Variants in ZFYVE16 observed in about 807,000 individuals in gnomAD.
ZFYVE16 encodes zinc finger FYVE domain-containing protein 16.
A neutral mutation model predicts 138.1 loss-of-function variants in ZFYVE16; 89 were observed. That is an observed-to-expected ratio of 0.64 (90% CI 0.54 to 0.77). The LOEUF (loss-of-function observed/expected upper bound fraction) is 0.77. Among genes scored for constraint, ZFYVE16 ranks in the 30% least tolerant of loss-of-function variants. The probability of loss-of-function intolerance (pLI) is 0.00; values close to 1 mark genes in which losing one functional copy is unlikely to be tolerated. For missense variants in ZFYVE16, 1,793 were observed against 1,786.7 expected (o/e 1.00, Z -0.06); for synonymous variants, 596 against 618.3 (o/e 0.96, Z 0.53).
chr5:80,451,777 A>G, intron 11 of ZFYVE16, 68 bp downstream of exon 11: 4 of 1,401,740 alleles, frequency 2.9e-6, no homozygotes, highest in Middle Eastern at 2.0e-4. Context: ...CTTTCAGGGA[A>G]TCATTAAAAT....
chr5:80,427,971 CAA>C (rs386404254), intron 2 of ZFYVE16, among the ~76,000 whole-genome samples: 15 of 48,108 alleles, frequency 3.1e-4, no homozygotes, highest in African/African-American at 1.6e-3. Context: ...GACTCCATCT[CAA>C]AAAAAAAAAA....
intron 11 of ZFYVE16, 70 bp downstream of exon 11, chr5:80,451,779 C>A: frequency 7.2e-7 from 1 of 1,394,048 alleles, no homozygotes; most frequent in South Asian, 1.3e-5. Context: ...TTCAGGGAAT[C>A]ATTAAAATCA....
At chr5:80,416,496 TTGCC>T (rs962692690) in intron 1 of ZFYVE16, among the ~76,000 whole-genome samples, 4 of 151,386 alleles carry the variant, frequency 2.6e-5, no homozygotes, top group African/African-American at 9.7e-5. Context: ...CCTCAGGTGA[TTGCC>T]TGCCTCGGCC....
chr5:80,461,230 T>G (rs112816662), intron 15 of ZFYVE16, among the ~76,000 whole-genome samples: 1 of 152,150 alleles, frequency 6.6e-6, no homozygotes, highest in Non-Finnish European at 1.5e-5. Flanking sequence ...CCAAAAAAAG[T>G]CTGAAATCTG....
intron 14 of ZFYVE16, among the ~76,000 whole-genome samples, chr5:80,458,275 A>G (rs1181836698): frequency 1.3e-5 from 2 of 152,026 alleles, no homozygotes; most frequent in Non-Finnish European, 2.9e-5. Context: ...GGTAAAATTA[A>G]AAAGTTATTA....
chr5:80,459,348 A>G, intron 14 of ZFYVE16, 66 bp from the exon 15 acceptor site: 5 of 1,418,632 alleles, frequency 3.5e-6, no homozygotes, highest in Non-Finnish European at 4.9e-6. Context: ...CACATTCTGC[A>G]TTTAACAAAT....
In ZFYVE16 at chr5:80,475,346, A is replaced by G. The variant is rs1026934118; in HGVS notation, c.4461+516A>G. ...ACCTCGCTGAATATTTGCGGAGAGC[A>G]GCATTCACAATGTATTCTGTGTAAC... On this transcript the variant is annotated intron_variant, in intron 18 of 18. Coordinates refer to ENST00000505560, the MANE Select transcript of ZFYVE16 (RefSeq NM_001284236.3). Among the ~76,000 whole-genome samples, 5 of 152,270 alleles carry G rather than the reference A, an allele frequency of 3.3e-5. No individual in the cohort carries two copies. The South Asian group carries it at 1.0e-3, about 31-fold the overall frequency.
At chr5:80,457,415 C>G (rs933770591) in intron 14 of ZFYVE16, among the ~76,000 whole-genome samples, 2 of 152,160 alleles carry the variant, frequency 1.3e-5, no homozygotes, top group African/African-American at 4.8e-5. Context: ...TCACCCTCTG[C>G]TCCAACTCCT....
At chr5:80,448,527 CTT>C (rs1024916020) in intron 8 of ZFYVE16, 123 bp downstream of exon 8, 4 of 924,850 alleles carry the variant, frequency 4.3e-6, no homozygotes, top group African/African-American at 3.4e-5. Context: ...AGGCTGGTAA[CTT>C]TTGTTTACAG....
At chr5:80,459,321 G>C in intron 14 of ZFYVE16, 93 bp from the exon 15 acceptor site, 1 of 938,192 alleles carries the variant, frequency 1.1e-6, no homozygotes, top group Non-Finnish European at 1.6e-6. Context: ...CATTTATTGA[G>C]TACTTATATG....
At position 80,455,725 on chromosome 5, in the gene ZFYVE16, G is replaced by A. The variant is rs1460425151; in HGVS notation, c.3641G>A (p.Arg1214Gln). ...YPAPLTSIRG[R>Q]KPLFGEIGHT... ...GCTCCTCTAACAAGCATCAGAGGCC[G>A]AAAACCTCTTTTTGGAGAAATAGGA... is the stretch of plus-strand genomic sequence containing the variant. The change falls in exon 12 of 19, where the codon CGA becomes CAA. Residue 1214 changes from arginine (R) to glutamine (Q), a missense_variant. Around this residue, in one of 2 missense-constraint regions of ZFYVE16, gnomAD observed 498 missense variants for 582.4 expected, o/e 0.86. Transcript: ENST00000505560. 2 of 1,595,656 alleles carry A rather than the reference G, an allele frequency of 1.3e-6. No individual in the cohort carries two copies. Among genetic ancestry groups the A allele is most frequent in the Non-Finnish European group, 1.7e-6 (2 of 1,175,192 alleles).
intron 2 of ZFYVE16, among the ~76,000 whole-genome samples, chr5:80,428,415 C>T (rs1748465563): frequency 6.6e-6 from 1 of 152,178 alleles, no homozygotes; most frequent in Admixed American, 6.5e-5. Flanking sequence ...AGAAGGAAAA[C>T]TAACAAACAG....
At chr5:80,472,666 TC>T in intron 15 of ZFYVE16, 94 bp from the exon 16 acceptor site, 1 of 1,202,124 alleles carries the variant, frequency 8.3e-7, no homozygotes, top group Non-Finnish European at 1.2e-6. Flanking sequence ...AAAACTTGTA[TC>T]TTACACAGAA....
At position 80,454,074 on chromosome 5, in the gene ZFYVE16, A is replaced by G. The variant is rs545986237; in HGVS notation, c.3608-1618A>G. The G allele has an allele frequency of 2.0e-5, 3 of 152,256 alleles. No individual in the cohort carries two copies. The East Asian group carries it at 5.8e-4, about 29-fold the overall frequency. 9.4% of individuals were successfully genotyped at this position (152,256 alleles called of 1,614,324 possible). A position where few individuals can be genotyped will look rare whatever the true frequency, so the allele number is the denominator to read the frequency against. ...TATCGTTTTTATGTCTTTTCACACT[A>G]ATATCTTGTATTTTTTTCAAATCTA... On this transcript the variant is annotated intron_variant, in intron 11 of 18. Coordinates refer to ENST00000505560, the MANE Select transcript of ZFYVE16 (RefSeq NM_001284236.3).
chr5:80,456,423 T>C, intron 12 of ZFYVE16, 38 bp from the exon 13 acceptor site: 1 of 1,426,592 alleles, frequency 7.0e-7, no homozygotes, highest in Non-Finnish European at 9.8e-7. Context: ...AAAATACTCA[T>C]GGTTAGTAGT....
chr5:80,415,604 C>A (rs959598609), intron 1 of ZFYVE16, among the ~76,000 whole-genome samples: 2 of 151,956 alleles, frequency 1.3e-5, no homozygotes, highest in South Asian at 2.1e-4. Flanking sequence ...TAATGTGTTT[C>A]GGAGAGAAAG....
At position 80,464,812 on chromosome 5, in the gene ZFYVE16, T is replaced by C. The variant is rs538445415; in HGVS notation, c.4024+5318T>C. 9.8e-5 allele frequency among the ~76,000 whole-genome samples: 15 copies of C among 152,322 alleles called. No individual in the cohort carries two copies. The East Asian group carries it at 2.9e-3, about 29-fold the overall frequency. ...TTAATTCACTTGTCACTTCTTTTAA[T>C]ATGTATTTTTTTAGTTATTTCTTAG... On this transcript the variant is annotated intron_variant, in intron 15 of 18. Coordinates refer to ENST00000505560, the MANE Select transcript of ZFYVE16 (RefSeq NM_001284236.3).
intron 6 of ZFYVE16, 144 bp downstream of exon 6, chr5:80,443,428 C>A: frequency 2.1e-6 from 2 of 961,396 alleles, no homozygotes; most frequent in South Asian, 1.7e-5. Context: ...CACATGCAGG[C>A]TGGAAGACTG....
At chr5:80,410,239 A>C (rs1448156096) in intron 1 of ZFYVE16, 4 of 152,160 alleles carry the variant, frequency 2.6e-5, no homozygotes, top group Admixed American at 1.3e-4. Flanking sequence ...AATATTAGGA[A>C]TCTTTCTCAG....
Sources: gnomAD v4.1 joint callset for allele counts (sites outside exome capture counted in the v4.1 genomes callset) on GRCh38, gnomAD v4.1.1 for gene constraint, gnomAD v4.1.1 regional missense constraint, MANE v1.5 for transcripts, NCBI Gene and HGNC (gene_info 2026-07-23, HGNC 2026-07-21) for gene names.